The following CCDC39 variants were observed in gnomAD, a reference collection of about 807,000 sequenced individuals.
CCDC39 encodes coiled-coil domain 39 molecular ruler complex subunit, also known as coiled-coil domain-containing protein 39.
A neutral mutation model predicts 121.0 loss-of-function variants in CCDC39; 113 were observed. The ratio of observed to expected loss-of-function variants is 0.93; its 90% CI spans 0.80 to 1.09. CCDC39 has a LOEUF of 1.09. Ranked by LOEUF, CCDC39 falls within the 50% of genes least tolerant of loss-of-function variation. The probability of loss-of-function intolerance (pLI) is 0.00; values close to 1 mark genes in which losing one functional copy is unlikely to be tolerated. For missense variants in CCDC39, 1,063 were observed against 1,074.7 expected, an observed-to-expected ratio of 0.99 and a Z score of 0.15; for synonymous variants, 349 against 352.2, an observed-to-expected ratio of 0.99 and a Z score of 0.10.
intron 6 of CCDC39, among the ~76,000 whole-genome samples, chr3:180,657,413 A>T (rs1429706363): frequency 1.3e-5 from 2 of 152,142 alleles, no homozygotes; most frequent in African/African-American, 2.4e-5. Context: ...GTATGAGAAA[A>T]CTGATTGTGG....
At chr3:180,675,663 A>G (rs886229528) in intron 1 of CCDC39, among the ~76,000 whole-genome samples, 1 of 152,158 alleles carries the variant, frequency 6.6e-6, no homozygotes, top group Non-Finnish European at 1.5e-5. Context: ...TGTGTCCCAG[A>G]GATTCTGGTA....
intron 3 of CCDC39, 75 bp downstream of exon 3, chr3:180,661,786 A>C: frequency 7.2e-7 from 1 of 1,394,110 alleles, no homozygotes; most frequent in Non-Finnish European, 9.7e-7. Context: ...TACAAGAAAA[A>C]AAAAAGTCAA....
Position 180,641,983 on chromosome 3 carries a change from T to C in CCDC39, c.1874+10A>G, listed in dbSNP as rs747723876. 1.9e-6 allele frequency: 3 copies of C among 1,559,040 alleles called. No individual in the cohort carries two copies. In the Admixed American group the frequency reaches 5.5e-5, roughly 29 times the overall value. On this transcript the variant is annotated intron_variant, in intron 13 of 19. Coordinates refer to ENST00000476379, the MANE Select transcript of CCDC39 (RefSeq NM_181426.2). ...TTTAATTCCTCAGCAGTTTTAAAACTGAAAATTACCTTATGTTTTCCCGTT... is the reference window on the plus strand; with the variant it reads ...TTTAATTCCTCAGCAGTTTTAAAACCGAAAATTACCTTATGTTTTCCCGTT...
At chr3:180,615,161 A>C (rs1717184287) in intron 19 of CCDC39, 84 bp from the exon 20 acceptor site, 2 of 1,015,510 alleles carry the variant, frequency 2.0e-6, no homozygotes, top group Admixed American at 3.4e-5. Context: ...AAGGTACCAT[A>C]ATTCCATAAG....
At chr3:180,618,640 G>A (rs930781348) in intron 16 of CCDC39, among the ~76,000 whole-genome samples, 2 of 151,998 alleles carry the variant, frequency 1.3e-5, no homozygotes, top group African/African-American at 4.8e-5. Flanking sequence ...TCCCACCTAC[G>A]AGTGAGAATA....
intron 14 of CCDC39, among the ~76,000 whole-genome samples, chr3:180,621,744 G>A (rs1471904314): frequency 1.3e-5 from 2 of 152,072 alleles, no homozygotes; most frequent in Non-Finnish European, 2.9e-5. Context: ...TTAGCTGTAT[G>A]TGGGTCTATT....
intron 1 of CCDC39, among the ~76,000 whole-genome samples, chr3:180,672,263 C>A (rs577328190): frequency 6.6e-6 from 1 of 152,212 alleles, no homozygotes; most frequent in South Asian, 2.1e-4. Context: ...ATTTTAAGCC[C>A]ACTCTTGATT....
At position 180,632,080 on chromosome 3, in the gene CCDC39, A is replaced by C. The variant is rs76841217; in HGVS notation, c.1875-488T>G. Among the ~76,000 whole-genome samples the C allele has an allele frequency of 7.8e-3, 1,187 of 152,330 alleles. 14 individuals are homozygous for C. The highest frequency in any genetic ancestry group is 0.027 in the African/African-American group (1,132 of 41,574). On this transcript the variant is annotated intron_variant, in intron 13 of 19. Transcript: ENST00000476379. ...CAGTAGATTTGCATCACAGCTGAGG[A>C]ATCTCAAGCCTAGGTAACCCAAATA...
intron 13 of CCDC39, among the ~76,000 whole-genome samples, chr3:180,640,341 G>C (rs1028783347): frequency 6.6e-6 from 1 of 151,804 alleles, no homozygotes; most frequent in African/African-American, 2.4e-5. Context: ...ATACTTAGAG[G>C]GTTTTTTTTA....
Position 180,656,627 on chromosome 3 carries a change from C to T in CCDC39, c.739-1674G>A, listed in dbSNP as rs146191386. ...CGACCTACGGGGCTGCATTCCCAGA[C>T]AGGCAATCTAAGTCACAGGATGAGA... On this transcript the variant is annotated intron_variant, in intron 6 of 19. Coordinates refer to ENST00000476379, the MANE Select transcript of CCDC39 (RefSeq NM_181426.2). 1.2e-3 allele frequency among the ~76,000 whole-genome samples: 185 copies of T among 152,270 alleles called. 1 individual carries two copies. The highest frequency in any genetic ancestry group is 6.8e-3 in the Middle Eastern group (2 of 294).
intron 9 of CCDC39, among the ~76,000 whole-genome samples, chr3:180,650,485 T>A (rs974753080): frequency 6.6e-6 from 1 of 152,056 alleles, no homozygotes; most frequent in African/African-American, 2.4e-5. Context: ...TACAAATAGA[T>A]ATATGGATGA....
chr3:180,679,239 C>A lies in CCDC39; in HGVS notation c.90+52G>T. 1 of 1,439,186 alleles carries A rather than the reference C, an allele frequency of 6.9e-7. No individual in the cohort carries two copies. The allele number at this position is 1,439,186 out of a possible 1,614,324, so 89.2% of individuals were successfully genotyped here. On this transcript the variant is annotated intron_variant, in intron 1 of 19. Transcript: ENST00000476379. This position sits in a 1 kb window ranked among gnomAD's most constrained non-coding sequence, Gnocchi z 4.0. Reference sequence around the variant, plus strand: ...TGGGGTAGTACTGCCAACCAGAAAACGCCCCCAACAGGCTCTCTCTGCTTC... The same window carrying A: ...TGGGGTAGTACTGCCAACCAGAAAAAGCCCCCAACAGGCTCTCTCTGCTTC...
intron 14 of CCDC39, among the ~76,000 whole-genome samples, chr3:180,625,593 A>G (rs1717540534): frequency 6.6e-6 from 1 of 152,036 alleles, no homozygotes; most frequent in Non-Finnish European, 1.5e-5. Context: ...CCATTGATAG[A>G]TGCATATCTC....
chr3:180,651,297 A>G, intron 9 of CCDC39, 104 bp downstream of exon 9: 1 of 901,284 alleles, frequency 1.1e-6, no homozygotes, highest in Non-Finnish European at 1.7e-6. Flanking sequence ...ACCAAAAAGC[A>G]GAGCTTCTTA....
intron 16 of CCDC39, chr3:180,617,864 G>C (rs1717305496): frequency 6.0e-6 from 1 of 167,112 alleles, no homozygotes. Flanking sequence ...GTCTACAGTA[G>C]TGTTCAGCAA....
intron 14 of CCDC39, among the ~76,000 whole-genome samples, chr3:180,628,365 A>T (rs57998544): frequency 0.018 from 2,766 of 152,024 alleles, 112 homozygotes; most frequent in African/African-American, 0.064. Flanking sequence ...CCACCACCAC[A>T]CCCGGCTAAT....
chr3:180,619,772 A>G (rs1439921312), intron 15 of CCDC39, 39 bp downstream of exon 15: 17 of 1,206,574 alleles, frequency 1.4e-5, no homozygotes, highest in Non-Finnish European at 1.7e-5. Context: ...TACACTCGTC[A>G]CTGTATATAT....
At chr3:180,621,421 A>G (rs1158112087) in intron 14 of CCDC39, among the ~76,000 whole-genome samples, 1 of 152,088 alleles carries the variant, frequency 6.6e-6, no homozygotes, top group South Asian at 2.1e-4. Flanking sequence ...CCACACCAAC[A>G]TCTCTTGTTT....
Position 180,644,195 on chromosome 3 carries a change from C to A in CCDC39, c.1590G>T (p.Met530Ile). The change falls in exon 12 of 20, where the codon ATG becomes ATT. Residue 530 changes from methionine to isoleucine, a missense_variant. Transcript: ENST00000476379. ...SKNSDEKQSL[M>I]TKINELNLFI... is the part of the protein sequence containing the mutation. ...AAAGGTTTAGTTCATTTATTTTGGT[C>A]ATAAGGGACTGTTTTTCATCACTGT... is the stretch of plus-strand genomic sequence containing the variant. 6.5e-7 allele frequency: 1 copy of A among 1,545,264 alleles called. No individual in the cohort carries two copies.
Sources: gnomAD v4.1 joint callset for allele counts (sites outside exome capture counted in the v4.1 genomes callset) on GRCh38, gnomAD v4.1.1 for gene constraint, Gnocchi (gnomAD v3.1) non-coding constraint, MANE v1.5 for transcripts, NCBI Gene and HGNC (gene_info 2026-07-23, HGNC 2026-07-21) for gene names.